CDS2: variants seen among roughly 807,000 people sequenced by gnomAD.
CDS2 encodes CDP-diacylglycerol synthase 2.
A neutral mutation model predicts 59.0 loss-of-function variants in CDS2; 47 were observed. That is an observed-to-expected ratio of 0.80 (90% CI 0.63 to 1.02). CDS2 has a LOEUF of 1.02. CDS2 is among the 50% of genes least tolerant of loss of function. CDS2 has a pLI of 0.00. For synonymous variants in CDS2, 207 were observed against 206.4 expected (o/e 1.00, Z -0.02); for missense variants, 356 against 558.9 (o/e 0.64, Z 3.66).
In CDS2 at chr20:5,197,292, C is replaced by A. The variant is rs1363746431; in HGVS notation, c.*7058C>A. 5 of 121,596 alleles carry A rather than the reference C, an allele frequency of 4.1e-5. No homozygotes were observed. Among genetic ancestry groups the A allele is most frequent in the Non-Finnish European group, 8.2e-5 (5 of 60,660 alleles). The allele number at this position is 121,596 out of a possible 1,614,324, so 7.5% of individuals were successfully genotyped here. Reference sequence around the variant, plus strand: ...CGAGCTGTGGACATCCTTCTTAATTCGATTCTGAGGATTTGTTTAACTAAA... The same window carrying A: ...CGAGCTGTGGACATCCTTCTTAATTAGATTCTGAGGATTTGTTTAACTAAA... On this transcript the variant is annotated 3_prime_UTR_variant, in exon 13 of 13. Coordinates refer to ENST00000460006, the MANE Select transcript of CDS2 (RefSeq NM_003818.4).
chr20:5,185,724 C>T (rs989970892), intron 8 of CDS2, 34 bp from the exon 9 acceptor site: 5 of 1,593,870 alleles, frequency 3.1e-6, no homozygotes, highest in Admixed American at 1.7e-5. Context: ...GTTATCAAAA[C>T]ACCCTTTGCT....
rs537330845 is a variant in CDS2 at position 5,189,650 on chromosome 20, A to G, written c.1102-85A>G. On this transcript the variant is annotated intron_variant, in intron 11 of 12. Coordinates refer to ENST00000460006, the MANE Select transcript of CDS2 (RefSeq NM_003818.4). ...ATTGCCCTCAGCTACTCAGCACAGA[A>G]GCCTGACATTGGGGTGGGACCATTA... 1.6e-3 allele frequency: 1,528 copies of G among 937,770 alleles called. 18 individuals carry two copies. The African/African-American group carries it at 0.023, about 14-fold the overall frequency. 58.1% of individuals were successfully genotyped at this position (937,770 alleles called of 1,614,324 possible). A position where few individuals can be genotyped will look rare whatever the true frequency, so the allele number is the denominator to read the frequency against.
intron 1 of CDS2, among the ~76,000 whole-genome samples, chr20:5,169,291 G>T (rs1052211449): frequency 6.6e-6 from 1 of 152,224 alleles, no homozygotes; most frequent in African/African-American, 2.4e-5. Flanking sequence ...GTCAGAAGAG[G>T]CAGGGCAGCC....
chr20:5,187,019 C>T (rs1180596097), intron 10 of CDS2, 180 bp downstream of exon 10: 1 of 520,108 alleles, frequency 1.9e-6, no homozygotes, highest in Non-Finnish European at 3.4e-6. Context: ...TTTCCCCCAA[C>T]ATCAGATTGT....
At chr20:5,187,046 C>A in intron 10 of CDS2, 2 of 333,148 alleles carry the variant, frequency 6.0e-6, no homozygotes, top group South Asian at 2.7e-5. Context: ...CAGTGGTTTT[C>A]AAAGTGTGTT....
chr20:5,143,290 G>A (rs116999089), intron 1 of CDS2, among the ~76,000 whole-genome samples: 3,430 of 152,230 alleles, frequency 0.023, 64 homozygotes, highest in Non-Finnish European at 0.033. Flanking sequence ...AAACTTTGAC[G>A]GTTGGCAAGT....
In CDS2 at chr20:5,127,123, G is replaced by T; in HGVS notation, c.31G>T (p.Glu11Ter). The change falls in exon 1 of 13, where the codon GAG (glutamate) becomes TAG (stop). Residue 11 changes from glutamate (E) to a stop codon, truncating the protein, a stop_gained. Coordinates refer to ENST00000460006, the MANE Select transcript of CDS2 (RefSeq NM_003818.4). LOFTEE classifies it high-confidence loss of function. ...AGAGCTGAGGCAGAGGGTGGCCCAT[G>T]AGCCGGTTGCGCCACCCGAGGACAA... MTELRQRVAH[E>*]PVAPPEDKES... 6.7e-7 allele frequency: 1 copy of T among 1,497,244 alleles called. No individual in the cohort carries two copies. The highest frequency in any genetic ancestry group is 1.3e-5 in the South Asian group (1 of 79,034). The allele number at this position is 1,497,244 out of a possible 1,614,324, so 92.7% of individuals were successfully genotyped here.
chr20:5,166,757 G>A (rs1198807369), intron 1 of CDS2, among the ~76,000 whole-genome samples: 2 of 152,190 alleles, frequency 1.3e-5, no homozygotes, highest in African/African-American at 4.8e-5. Flanking sequence ...AGTCCCTGCT[G>A]GGTTTCGTGA....
rs1394426779 is a variant in CDS2 at position 5,184,438 on chromosome 20, A to T, written c.672-420A>T. On this transcript the variant is annotated intron_variant, in intron 7 of 12. Transcript: ENST00000460006. This position sits in a 1 kb window ranked among gnomAD's most constrained non-coding sequence, Gnocchi z 4.3. ...AATAATGAAAGAGTCATTAAAGCAT[A>T]CTATTTAGAATTGGGGAGGTAACCA... 6.6e-6 allele frequency among the ~76,000 whole-genome samples: 1 copy of T among 152,232 alleles called. No homozygotes were observed. The highest frequency in any genetic ancestry group is 1.5e-5 in the Non-Finnish European group (1 of 68,046).
intron 5 of CDS2, among the ~76,000 whole-genome samples, chr20:5,182,104 C>T (rs1173976066): frequency 1.3e-5 from 2 of 152,174 alleles, no homozygotes; most frequent in East Asian, 3.8e-4. Flanking sequence ...TTTGCTGGCC[C>T]ATGTTCTAGG....
chr20:5,148,528 G>A (rs2122987241), intron 1 of CDS2, among the ~76,000 whole-genome samples: 1 of 152,272 alleles, frequency 6.6e-6, no homozygotes, highest in African/African-American at 2.4e-5. Context: ...GATTGCTTCT[G>A]GCCAGTTTTT....
Position 5,182,394 on chromosome 20 carries a change from C to T in CDS2, c.537C>T (p.Cys179=), listed in dbSNP as rs2091037976. ...ISFTLYLIGF[C]MFVLSLVKKH... is the part of the protein sequence containing the mutation. ...CCTCCCACCTCAAACTAGGATTCTG[C>T]ATGTTTGTACTGAGTCTGGTCAAGA... Residue 179 remains cysteine, a synonymous_variant, in exon 6 of 13, where the codon TGC becomes TGT. Coordinates refer to ENST00000460006, the MANE Select transcript of CDS2 (RefSeq NM_003818.4). 2 of 1,608,980 alleles carry T rather than the reference C, an allele frequency of 1.2e-6. 1 individual carries two copies. The highest frequency in any genetic ancestry group is 3.4e-5 in the Admixed American group (2 of 59,156).
In CDS2 at chr20:5,191,948, C is replaced by T. The variant is rs1272975770; in HGVS notation, c.*1714C>T. ...CGGAGCTACTCCCAATTCCACTCTT[C>T]TGTGATTCTGGCTGAGCAAGTTCAT... On this transcript the variant is annotated 3_prime_UTR_variant, in exon 13 of 13. Transcript: ENST00000460006. 6.6e-6 allele frequency: 1 copy of T among 152,212 alleles called. No individual in the cohort carries two copies. Among genetic ancestry groups the T allele is most frequent in the Non-Finnish European group, 1.5e-5 (1 of 68,044 alleles). 9.4% of individuals were successfully genotyped at this position (152,212 alleles called of 1,614,324 possible). A position where few individuals can be genotyped will look rare whatever the true frequency, so the allele number is the denominator to read the frequency against.
chr20:5,176,698 C>T lies in CDS2; in HGVS notation c.342C>T (p.Tyr114=), dbSNP rs554837402. Residue 114 remains tyrosine, a synonymous_variant, in exon 4 of 13, where the codon TAC becomes TAT. Transcript: ENST00000460006. The stretch of plus-strand genomic sequence containing the variant: ...TCCATGAGATAATCACTATTGGCTA[C>T]AACGTCTACCACTCATATGATCTGC... The part of the protein sequence containing the change: ...KCFHEIITIG[Y]NVYHSYDLPW... 3.8e-5 allele frequency: 62 copies of T among 1,613,794 alleles called. No individual in the cohort carries two copies. In the East Asian group the frequency reaches 1.3e-3, roughly 34 times the overall value.
chr20:5,190,404 CTA>C lies in CDS2; in HGVS notation c.*172_*173del. ...GGTTCAAAAAATCTGTATATACAGT[CTA>C]TGTGTTTAGAATTTGTGTTGTAAGT... On this transcript the variant is annotated 3_prime_UTR_variant, in exon 13 of 13. Coordinates refer to ENST00000460006, the MANE Select transcript of CDS2 (RefSeq NM_003818.4). 1 of 525,364 alleles carries C rather than the reference CTA, an allele frequency of 1.9e-6. No homozygotes were observed. Among genetic ancestry groups the C allele is most frequent in the Non-Finnish European group, 3.2e-6 (1 of 310,282 alleles). 32.5% of individuals were successfully genotyped at this position (525,364 alleles called of 1,614,324 possible). A position where few individuals can be genotyped will look rare whatever the true frequency, so the allele number is the denominator to read the frequency against.
intron 1 of CDS2, among the ~76,000 whole-genome samples, chr20:5,154,241 G>T (rs1429074510): frequency 6.6e-6 from 1 of 152,326 alleles, no homozygotes; most frequent in East Asian, 1.9e-4. Context: ...TTTTTCCCCA[G>T]TTGCCGAGCC....
In CDS2 at chr20:5,184,077, A is replaced by G. The variant is rs1568543585; in HGVS notation, c.672-781A>G. Among the ~76,000 whole-genome samples, 1 of 152,110 alleles carries G rather than the reference A, an allele frequency of 6.6e-6. No homozygotes were observed. The highest frequency in any genetic ancestry group is 1.5e-5 in the Non-Finnish European group (1 of 68,004). On this transcript the variant is annotated intron_variant, in intron 7 of 12. Transcript: ENST00000460006. The surrounding 1 kb of genome is among the most constrained non-coding windows in gnomAD (Gnocchi z 4.3). ...TTCCGGAGGCTGAGGCAGGAGAATC[A>G]CTTAACCTGGGGGTGGAGGTTGCAG...
chr20:5,174,618 G>A (rs145414764), intron 2 of CDS2, among the ~76,000 whole-genome samples: 1,841 of 151,922 alleles, frequency 0.012, 42 homozygotes, highest in African/African-American at 0.042. Context: ...CCAGCTACTC[G>A]GGAGGCTGAG....
intron 1 of CDS2, among the ~76,000 whole-genome samples, chr20:5,168,304 A>G (rs1055874080): frequency 1.3e-5 from 2 of 150,350 alleles, no homozygotes; most frequent in Non-Finnish European, 2.9e-5. Flanking sequence ...AATCCTAGCT[A>G]CTTGGGAGGC....
Sources: allele counts gnomAD v4.1 joint callset (sites outside exome capture counted in the v4.1 genomes callset), GRCh38; gene constraint gnomAD v4.1.1; non-coding constraint Gnocchi (gnomAD v3.1); transcripts MANE v1.5; gene names NCBI Gene and HGNC (gene_info 2026-07-23, HGNC 2026-07-21).